The following LIPK variants were observed in gnomAD, a reference collection of about 807,000 sequenced individuals.
LIPK encodes the protein lipase member K.
A neutral mutation model predicts 48.6 loss-of-function variants in LIPK; 32 were observed. The ratio of observed to expected loss-of-function variants is 0.66; its 90% confidence interval spans 0.50 to 0.88. The LOEUF is 0.88. LIPK is among the 40% of genes least tolerant of loss of function. LIPK has a pLI of 0.00. For missense variants in LIPK, 507 were observed against 478.5 expected (o/e 1.06, Z -0.56); for synonymous variants, 164 against 157.4 (o/e 1.04, Z -0.32).
intron 6 of LIPK, 105 bp from the exon 7 acceptor site, chr10:88,737,530 A>G (rs368426839): frequency 8.7e-7 from 1 of 1,145,058 alleles, no homozygotes. Context: ...ACCAACACTG[A>G]GCAGATGTCA....
Position 88,726,899 on chromosome 10 carries a change from C to A in LIPK, c.210C>A (p.Cys70Ter), listed in dbSNP as rs1294105393. 6.4e-7 allele frequency: 1 copy of A among 1,571,042 alleles called. No homozygotes were observed. Among genetic ancestry groups the A allele is most frequent in the Non-Finnish European group, 8.7e-7 (1 of 1,144,888 alleles). Residue 70 changes from cysteine to a stop codon, truncating the protein, a stop_gained, in exon 3 of 10, where the codon TGC becomes TGA. Coordinates refer to ENST00000404190, the MANE Select transcript of LIPK (RefSeq NM_001080518.2). LOFTEE classifies it high-confidence loss of function. ...ATAGGATTCCACATGGAAGAGGATG[C>A]CCAGGGAGGACAGGTATTATTTATT... ...GIYRIPHGRG[C>*]PGRTAPKPAV...
intron 9 of LIPK, among the ~76,000 whole-genome samples, chr10:88,748,644 TA>T (rs1842812035): frequency 6.8e-6 from 1 of 147,598 alleles, no homozygotes; most frequent in African/African-American, 2.5e-5. Context: ...AAAACAATAA[TA>T]ATATTAAATG....
chr10:88,714,556 A>G (rs528120277), intron 1 of LIPK, among the ~76,000 whole-genome samples: 1 of 152,292 alleles, frequency 6.6e-6, no homozygotes, highest in East Asian at 1.9e-4. Context: ...TATTTTATAA[A>G]ACAAATTCAA....
chr10:88,729,255 G>GGC (rs1554955635), intron 3 of LIPK, among the ~76,000 whole-genome samples: 1 of 123,226 alleles, frequency 8.1e-6, no homozygotes, highest in African/African-American at 2.9e-5. Flanking sequence ...TATCTGTTGG[G>GGC]GGGGGGGGGC....
chr10:88,733,819 G>A (rs1464719387), intron 6 of LIPK, among the ~76,000 whole-genome samples: 1 of 152,164 alleles, frequency 6.6e-6, no homozygotes, highest in Non-Finnish European at 1.5e-5. Context: ...ATATCTAGGA[G>A]CTACTACTTC....
At chr10:88,722,672 C>T (rs1209426015) in intron 1 of LIPK, among the ~76,000 whole-genome samples, 1 of 152,012 alleles carries the variant, frequency 6.6e-6, no homozygotes, top group African/African-American at 2.4e-5. Context: ...AGCCAGAGGG[C>T]CCCTGTAAAA....
At chr10:88,741,210 T>C (rs1842674517) in intron 8 of LIPK, among the ~76,000 whole-genome samples, 2 of 152,184 alleles carry the variant, frequency 1.3e-5, no homozygotes, top group African/African-American at 4.8e-5. Context: ...CTTTTATTTA[T>C]TTATTTTTTA....
In LIPK at chr10:88,734,839, G is replaced by C. The variant is rs183167180; in HGVS notation, c.669+2288G>C. Among the ~76,000 whole-genome samples the C allele has an allele frequency of 6.6e-5, 10 of 152,308 alleles. No individual in the cohort carries two copies. The East Asian group carries it at 1.9e-3, about 29-fold the overall frequency. ...CAATGAAATGATAGACAACGTTTAGGTATATTTTTGACTTTTTGAGGAACG... is the reference window on the plus strand; with the variant it reads ...CAATGAAATGATAGACAACGTTTAGCTATATTTTTGACTTTTTGAGGAACG... On this transcript the variant is annotated intron_variant, in intron 6 of 9. Coordinates refer to ENST00000404190, the MANE Select transcript of LIPK (RefSeq NM_001080518.2).
chr10:88,713,863 C>T (rs989453788), intron 1 of LIPK, among the ~76,000 whole-genome samples: 1 of 151,872 alleles, frequency 6.6e-6, no homozygotes, highest in Admixed American at 6.6e-5. Context: ...ATCACTTGAA[C>T]CCAGGAGAGG....
chr10:88,737,469 T>G (rs1343697338), intron 6 of LIPK, among the ~76,000 whole-genome samples, 166 bp from the exon 7 acceptor site: 2 of 152,134 alleles, frequency 1.3e-5, no homozygotes, highest in Non-Finnish European at 2.9e-5. Flanking sequence ...CATTAAGAGG[T>G]GCATTGGAAG....
intron 9 of LIPK, among the ~76,000 whole-genome samples, chr10:88,743,608 G>A (rs1301719493): frequency 6.6e-6 from 1 of 152,140 alleles, no homozygotes; most frequent in Non-Finnish European, 1.5e-5. Context: ...AGGGGCTCAA[G>A]ATGGTCAACT....
At chr10:88,727,762 A>G (rs2163673) in intron 3 of LIPK, 123,487 of 253,310 alleles carry the variant, frequency 0.49, 31,876 homozygotes, top group African/African-American at 0.69. Flanking sequence ...GCTCCCTAAA[A>G]GTGGAGGTGG....
chr10:88,732,514 T>C lies in LIPK; in HGVS notation c.632T>C (p.Met211Thr), dbSNP rs185696908. 4.3e-5 allele frequency: 69 copies of C among 1,611,966 alleles called. No homozygotes were observed. The East Asian group carries it at 8.3e-4, about 19-fold the overall frequency. ...VVTVKYTQSP[M>T]KKLTTLSRRV... Reference sequence around the variant, plus strand: ...ACAGTTAAATACACCCAAAGTCCTATGAAAAAACTAACAACCCTTTCCAGG... The same window carrying C: ...ACAGTTAAATACACCCAAAGTCCTACGAAAAAACTAACAACCCTTTCCAGG... Residue 211 changes from methionine to threonine, a missense_variant, in exon 6 of 10, where the codon ATG becomes ACG. Physicochemically the swap from Met to Thr is moderately conservative, Grantham distance 81. Coordinates refer to ENST00000404190, the MANE Select transcript of LIPK (RefSeq NM_001080518.2).
At chr10:88,742,454 C>T (rs1046116895) in intron 8 of LIPK, among the ~76,000 whole-genome samples, 1 of 152,138 alleles carries the variant, frequency 6.6e-6, no homozygotes, top group Non-Finnish European at 1.5e-5. Context: ...GAAAGAAAAA[C>T]ACAGAATAGT....
In LIPK at chr10:88,731,231, T is replaced by C. The variant is rs765300424; in HGVS notation, c.422+50T>C. 8.0e-6 allele frequency: 11 copies of C among 1,377,608 alleles called. No individual in the cohort carries two copies. In the Middle Eastern group the frequency reaches 5.5e-4, roughly 69 times the overall value. The allele number at this position is 1,377,608 out of a possible 1,614,324, so 85.3% of individuals were successfully genotyped here. ...AAAATGTGTACTTTCCTCATGCATATGTATGAACACCTAGTGATTTTTTTC... is the reference window on the plus strand; with the variant it reads ...AAAATGTGTACTTTCCTCATGCATACGTATGAACACCTAGTGATTTTTTTC... On this transcript the variant is annotated intron_variant, in intron 4 of 9. Transcript: ENST00000404190.
At chr10:88,713,747 C>A (rs1244022592) in intron 1 of LIPK, among the ~76,000 whole-genome samples, 2 of 151,982 alleles carry the variant, frequency 1.3e-5, no homozygotes, top group Admixed American at 1.3e-4. Flanking sequence ...TTGAAACCAG[C>A]CTGGCCAACA....
intron 9 of LIPK, among the ~76,000 whole-genome samples, chr10:88,744,833 T>C (rs556398161): frequency 9.8e-5 from 15 of 152,320 alleles, no homozygotes; most frequent in African/African-American, 2.6e-4. Context: ...ACAGAGATCA[T>C]TGAAATTCAG....
intron 1 of LIPK, among the ~76,000 whole-genome samples, chr10:88,719,681 G>A (rs1052933409): frequency 6.6e-6 from 1 of 152,132 alleles, no homozygotes; most frequent in Non-Finnish European, 1.5e-5. Context: ...TGCACACTCT[G>A]GCCAATTCTC....
chr10:88,715,984 G>C (rs535396850), intron 1 of LIPK, among the ~76,000 whole-genome samples: 1 of 152,146 alleles, frequency 6.6e-6, no homozygotes, highest in East Asian at 1.9e-4. Flanking sequence ...GAGAGAACTA[G>C]TCTTGTATGA....
Sources: allele counts gnomAD v4.1 joint callset (sites outside exome capture counted in the v4.1 genomes callset), GRCh38; gene constraint gnomAD v4.1.1; transcripts MANE v1.5; gene names NCBI Gene and HGNC (gene_info 2026-07-23, HGNC 2026-07-21).